Variants in SLC46A2 observed in about 807,000 individuals in gnomAD.
The protein encoded by SLC46A2 is solute carrier family 46 member 2.
A neutral mutation model predicts 33.1 loss-of-function variants in SLC46A2; 25 were observed. The ratio of observed to expected loss-of-function variants is 0.76; its 90% CI spans 0.55 to 1.06. The LOEUF is 1.06. Ranked by LOEUF, SLC46A2 falls within the 50% of genes least tolerant of loss-of-function variation. The pLI, the probability that SLC46A2 is intolerant of heterozygous loss-of-function variation, is 0.00. For missense variants in SLC46A2, 622 were observed against 621.7 expected (o/e 1.00, Z 0.00); for synonymous variants, 254 against 275.9 (o/e 0.92, Z 0.79).
intron 3 of SLC46A2, among the ~76,000 whole-genome samples, chr9:112,882,617 T>TA (rs1163139530): frequency 2.0e-5 from 3 of 151,890 alleles, no homozygotes; most frequent in African/African-American, 4.8e-5. Flanking sequence ...GCAGTAGAGA[T>TA]AAAAAGAAAA....
chr9:112,890,096 T>C lies in SLC46A2; in HGVS notation c.586A>G (p.Lys196Glu). Residue 196 changes from lysine (K) to glutamate (E), a missense_variant, in exon 1 of 4, where the codon AAG (lysine) becomes GAG (glutamate). Coordinates refer to ENST00000374228, the MANE Select transcript of SLC46A2 (RefSeq NM_033051.4). The surrounding 1 kb of genome is among the most constrained non-coding windows in gnomAD (Gnocchi z 6.0). ...CGSMASGHLF[K>E]QMAGHSGQGL... is the part of the protein sequence containing the mutation. ...TGCCCAGAGTGCCCAGCCATCTGCT[T>C]GAAGAGATGCCCGGAAGCCATGCTC... 6.2e-7 allele frequency: 1 copy of C among 1,613,516 alleles called. No individual in the cohort carries two copies. Among genetic ancestry groups the C allele is most frequent in the Non-Finnish European group, 8.5e-7 (1 of 1,179,914 alleles).
chr9:112,884,733 G>T (rs1054375234), intron 3 of SLC46A2, among the ~76,000 whole-genome samples: 5 of 152,178 alleles, frequency 3.3e-5, no homozygotes, highest in African/African-American at 1.2e-4. Flanking sequence ...TCAATCAGTT[G>T]CTTACTTGTA....
chr9:112,880,791 A>T (rs539555501), intron 3 of SLC46A2, among the ~76,000 whole-genome samples: 35 of 152,128 alleles, frequency 2.3e-4, no homozygotes, highest in African/African-American at 8.0e-4. Context: ...GTAGACTGAA[A>T]TTTTTTTATC....
intron 3 of SLC46A2, 69 bp from the exon 4 acceptor site, chr9:112,879,888 CAGGGTTA>C (rs894006264): frequency 7.0e-7 from 1 of 1,428,048 alleles, no homozygotes; most frequent in African/African-American, 1.4e-5. Context: ...ACTGCCCTCA[CAGGGTTA>C]ATGATAATTA....
At chr9:112,880,965 C>A (rs190508940) in intron 3 of SLC46A2, among the ~76,000 whole-genome samples, 137 of 152,278 alleles carry the variant, frequency 9.0e-4, no homozygotes, top group African/African-American at 3.2e-3. Flanking sequence ...CCTGGAATCT[C>A]TTTCCATCTC....
In SLC46A2 at chr9:112,889,646, G is replaced by A. The variant is rs765450547; in HGVS notation, c.1036C>T (p.Arg346Trp). The A allele has an allele frequency of 1.5e-5, 24 of 1,613,962 alleles. No individual in the cohort carries two copies. The highest frequency in any genetic ancestry group is 9.9e-5 in the South Asian group (9 of 91,072). The change falls in exon 1 of 4, where the codon CGG becomes TGG. Residue 346 changes from arginine (R) to tryptophan (W), a missense_variant. Physicochemically the swap from Arg to Trp is moderately radical, Grantham distance 101. Transcript: ENST00000374228. ...CCAATCATGATCATGGTGGTGTCCC[G>A]AAAGCAGCGGGAGAAGACCAGGACA... is the stretch of plus-strand genomic sequence containing the variant. ...LGVLVFSRCF[R>W]DTTMIMIGMV...
chr9:112,886,736 T>C (rs1418671643), intron 2 of SLC46A2, 120 bp from the exon 3 acceptor site: 22 of 1,016,372 alleles, frequency 2.2e-5, no homozygotes, highest in South Asian at 4.9e-5. Flanking sequence ...CTCTCTCTCT[T>C]TTTTTAGAGA....
At chr9:112,885,375 G>C (rs2131544350) in intron 3 of SLC46A2, 1 of 151,844 alleles carries the variant, frequency 6.6e-6, no homozygotes, top group African/African-American at 2.4e-5. Context: ...CAGGTCCCTT[G>C]AAAATGCAAA....
chr9:112,886,894 T>A (rs1408341159), intron 2 of SLC46A2, among the ~76,000 whole-genome samples: 1 of 152,126 alleles, frequency 6.6e-6, no homozygotes, highest in Non-Finnish European at 1.5e-5. Flanking sequence ...CCTGCTAATT[T>A]TTAATTTTTT....
At chr9:112,886,423 G>A (rs1841642630) in intron 3 of SLC46A2, 37 bp downstream of exon 3, 6 of 1,611,614 alleles carry the variant, frequency 3.7e-6, no homozygotes, top group Non-Finnish European at 5.1e-6. Context: ...AAGCATCAGG[G>A]TCCCAGCCCA....
At position 112,886,530 on chromosome 9, in the gene SLC46A2, T is replaced by C. The variant is rs1157011889; in HGVS notation, c.1300A>G (p.Met434Val). ...AAGCAGGAGCCCACAAACATGTCCA[T>C]GGTGAGCTGGTAGATCTTGTTGTAC... ...TLYNKIYQLT[M>V]DMFVGSCFAL... Residue 434 changes from methionine (M) to valine (V), a missense_variant, in exon 3 of 4, where the codon ATG (methionine) becomes GTG (valine). By Grantham distance (21) the Met-to-Val change is conservative. Coordinates refer to ENST00000374228, the MANE Select transcript of SLC46A2 (RefSeq NM_033051.4). 2 of 1,614,064 alleles carry C rather than the reference T, an allele frequency of 1.2e-6. No individual in the cohort carries two copies. Among genetic ancestry groups the C allele is most frequent in the Non-Finnish European group, 1.7e-6 (2 of 1,180,038 alleles).
intron 3 of SLC46A2, among the ~76,000 whole-genome samples, chr9:112,882,761 A>G (rs998787143): frequency 1.3e-5 from 2 of 152,086 alleles, no homozygotes; most frequent in African/African-American, 4.8e-5. Flanking sequence ...TGAGATTGGA[A>G]AGACAGGAGT....
rs1841643329 is a variant in SLC46A2, at chr9:112,886,459, C to T, written c.1370+1G>A. ...AGCAGCAGATGCTGCTCCCATCCTACCTAATTGGAATGATGGCCAGGAAGG... is the reference window on the plus strand; with the variant it reads ...AGCAGCAGATGCTGCTCCCATCCTATCTAATTGGAATGATGGCCAGGAAGG... On this transcript the variant is annotated splice_donor_variant, in intron 3 of 3. Coordinates refer to ENST00000374228, the MANE Select transcript of SLC46A2 (RefSeq NM_033051.4). LOFTEE classifies it high-confidence loss of function. 4 of 1,613,886 alleles carry T rather than the reference C, an allele frequency of 2.5e-6. No homozygotes were observed. The highest frequency in any genetic ancestry group is 3.4e-6 in the Non-Finnish European group (4 of 1,179,814).
At chr9:112,888,936 G>A (rs1841683943) in intron 1 of SLC46A2, among the ~76,000 whole-genome samples, 1 of 151,032 alleles carries the variant, frequency 6.6e-6, no homozygotes, top group African/African-American at 2.4e-5. Context: ...TATCACCCAG[G>A]CTAGAGTGCA....
At chr9:112,885,051 G>C (rs1489370549) in intron 3 of SLC46A2, 1 of 152,204 alleles carries the variant, frequency 6.6e-6, no homozygotes, top group African/African-American at 2.4e-5. Flanking sequence ...TTCGAAGACA[G>C]AGCTAGCTCA....
Position 112,890,054 on chromosome 9 carries a change from C to A in SLC46A2, c.628G>T (p.Ala210Ser), listed in dbSNP as rs1269978785. 6.2e-7 allele frequency: 1 copy of A among 1,613,798 alleles called. No homozygotes were observed. The highest frequency in any genetic ancestry group is 1.3e-5 in the African/African-American group (1 of 74,946). The change falls in exon 1 of 4, where the codon GCC becomes TCC. Residue 210 changes from alanine to serine, a missense_variant. Transcript: ENST00000374228. This position sits in a 1 kb window ranked among gnomAD's most constrained non-coding sequence, Gnocchi z 6.0. The stretch of plus-strand genomic sequence containing the variant: ...AACGAGGCACAGCTCACGCTGCAGG[C>A]CGTCAGTATCAGGCCCTGCCCAGAG... The part of the protein sequence containing the change: ...GHSGQGLILT[A>S]CSVSCASFAL...
intron 1 of SLC46A2, among the ~76,000 whole-genome samples, chr9:112,888,737 G>A (rs1392708684): frequency 1.4e-4 from 21 of 152,096 alleles, no homozygotes. Flanking sequence ...CTGCTTCCTT[G>A]GGGAATTTAT....
Position 112,889,896 on chromosome 9 carries a change from G to T in SLC46A2, c.786C>A (p.Asp262Glu), listed in dbSNP as rs1841703063. 4 of 1,614,198 alleles carry T rather than the reference G, an allele frequency of 2.5e-6. No individual in the cohort carries two copies. The highest frequency in any genetic ancestry group is 3.4e-6 in the Non-Finnish European group (4 of 1,180,042). The change falls in exon 1 of 4, where the codon GAC (aspartate) becomes GAA (glutamate). Residue 262 changes from aspartate (D) to glutamate (E), a missense_variant. By Grantham distance (45) the Asp-to-Glu change is conservative. Coordinates refer to ENST00000374228, the MANE Select transcript of SLC46A2 (RefSeq NM_033051.4). ...GAGGGTGCCCCACTGCATACTGTTG[G>T]TCCAACTGATCAGGATCCAGAGTGC... ...TYRTLDPDQLDQQYAVGHPPS... is the reference protein window; with the variant it reads ...TYRTLDPDQLEQQYAVGHPPS...
rs1056345028 is a variant in SLC46A2 at position 112,888,010 on chromosome 9, G to T, written c.1130-597C>A. Among the ~76,000 whole-genome samples the T allele has an allele frequency of 6.6e-5, 10 of 152,162 alleles. 1 individual carries two copies. Among genetic ancestry groups the T allele is most frequent in the South Asian group, 6.2e-4 (3 of 4,816 alleles). ...TAGAGACAGACAGCCAGGCGTGGCG[G>T]CTCACGCCTGTAATCCTAGCACTCT... is the stretch of plus-strand genomic sequence containing the variant. On this transcript the variant is annotated intron_variant, in intron 1 of 3. Coordinates refer to ENST00000374228, the MANE Select transcript of SLC46A2 (RefSeq NM_033051.4).
Sources: gnomAD v4.1 joint callset for allele counts (sites outside exome capture counted in the v4.1 genomes callset) on GRCh38, gnomAD v4.1.1 for gene constraint, Gnocchi (gnomAD v3.1) non-coding constraint, MANE v1.5 for transcripts, NCBI Gene and HGNC (gene_info 2026-07-23, HGNC 2026-07-21) for gene names.